FBXW10B: variants seen among roughly 807,000 people sequenced by gnomAD.
The protein encoded by FBXW10B is F-box and WD repeat domain containing 10B.
the FBXW10B span, chr17:15,607,542 C>T: frequency 0.15 from 247,503 of 1,596,872 alleles, 21,304 homozygotes; most frequent in East Asian, 0.28. Flanking sequence ...TCAAGCGTCC[C>T]TAGAGACCCA....
chr17:15,582,791 T>C, the FBXW10B span, among the ~76,000 whole-genome samples: 2 of 152,132 alleles, frequency 1.3e-5, no homozygotes, highest in African/African-American at 2.4e-5. Context: ...CTCATGTCAT[T>C]AGACCAAAGA....
the FBXW10B span, among the ~76,000 whole-genome samples, chr17:15,581,591 A>G: frequency 1.2e-4 from 18 of 151,284 alleles, no homozygotes; most frequent in South Asian, 3.8e-3. Context: ...ATGCCAAGAG[A>G]TATATAATGA....
chr17:15,600,881 C>G, the FBXW10B span, among the ~76,000 whole-genome samples: 1 of 141,652 alleles, frequency 7.1e-6, no homozygotes, highest in East Asian at 2.3e-4. Flanking sequence ...AACCTCGTCT[C>G]TACTAAAATA....
At chr17:15,598,490 C>T in the FBXW10B span, 30 of 1,613,240 alleles carry the variant, frequency 1.9e-5, no homozygotes, top group African/African-American at 9.3e-5. Context: ...ACCTGTGGGT[C>T]GGGGGAAACT....
chr17:15,578,600 TG>T, the FBXW10B span, among the ~76,000 whole-genome samples: 2 of 152,042 alleles, frequency 1.3e-5, no homozygotes, highest in Non-Finnish European at 2.9e-5. Context: ...TGGCAGGCAT[TG>T]GGTGTTATGG....
At chr17:15,601,259 A>G in the FBXW10B span, among the ~76,000 whole-genome samples, 7 of 144,962 alleles carry the variant, frequency 4.8e-5, no homozygotes, top group African/African-American at 1.8e-4. Flanking sequence ...AATACAAAAA[A>G]TTAGCCAGGC....
chr17:15,607,442 G>T, the FBXW10B span: 2 of 691,288 alleles, frequency 2.9e-6, no homozygotes, highest in East Asian at 6.0e-5. Flanking sequence ...GGGATCATGT[G>T]CGAGTTTAGG....
chr17:15,618,810 G>C, the FBXW10B span, among the ~76,000 whole-genome samples: 66 of 152,282 alleles, frequency 4.3e-4, 3 homozygotes, highest in East Asian at 0.013. Flanking sequence ...TTTCAAGAAG[G>C]AAGTTACACT....
chr17:15,583,560 A>C, the FBXW10B span, among the ~76,000 whole-genome samples: 1 of 149,324 alleles, frequency 6.7e-6, no homozygotes, highest in Non-Finnish European at 1.5e-5. Context: ...GGCTATTTGC[A>C]TAATGGAGTA....
chr17:15,613,948 G>A, the FBXW10B span: 44 of 1,588,630 alleles, frequency 2.8e-5, 3 homozygotes, highest in Middle Eastern at 5.0e-4. Flanking sequence ...TGCAGGGATC[G>A]TACCCTGGCT....
the FBXW10B span, chr17:15,593,482 C>T: frequency 9.9e-6 from 16 of 1,614,064 alleles, no homozygotes; most frequent in Admixed American, 6.7e-5. Flanking sequence ...AGAAGGGACA[C>T]GTCGAGCACC....
chr17:15,594,987 A>G, the FBXW10B span: 1 of 1,535,178 alleles, frequency 6.5e-7, no homozygotes. Context: ...CCACCCCCCA[A>G]CCAATCTGTG....
the FBXW10B span, among the ~76,000 whole-genome samples, chr17:15,592,827 G>A: frequency 2.0e-5 from 3 of 152,194 alleles, no homozygotes; most frequent in Middle Eastern, 3.4e-3. Flanking sequence ...AAAACAGGCC[G>A]GGCGCGGTGG....
At chr17:15,588,340 C>T in the FBXW10B span, 856 of 169,766 alleles carry the variant, frequency 5.0e-3, 11 homozygotes, top group African/African-American at 0.02. Context: ...AATTAAGTGA[C>T]GTCTTAATAA....
chr17:15,606,145 C>T, the FBXW10B span, among the ~76,000 whole-genome samples: 1 of 141,602 alleles, frequency 7.1e-6, no homozygotes, highest in East Asian at 2.2e-4. Flanking sequence ...CTCCCTGTAA[C>T]CTCCAGCTCT....
chr17:15,609,218 TG>T, the FBXW10B span, among the ~76,000 whole-genome samples: 3 of 143,226 alleles, frequency 2.1e-5, no homozygotes, highest in Non-Finnish European at 4.6e-5. Flanking sequence ...AGAGTCCTCT[TG>T]GGGACATCTC....
chr17:15,586,445 T>A, the FBXW10B span, among the ~76,000 whole-genome samples: 555 of 151,732 alleles, frequency 3.7e-3, 26 homozygotes, highest in African/African-American at 0.013. Flanking sequence ...TTCAAACTGA[T>A]GTCTTATCCT....
At chr17:15,602,313 T>C in the FBXW10B span, among the ~76,000 whole-genome samples, 6 of 151,986 alleles carry the variant, frequency 3.9e-5, no homozygotes, top group African/African-American at 1.2e-4. Context: ...GTGATAAAGA[T>C]AGCACCTCAA....
the FBXW10B span, among the ~76,000 whole-genome samples, chr17:15,616,968 T>C: frequency 1.7e-4 from 26 of 152,310 alleles, no homozygotes; most frequent in South Asian, 2.5e-3. Context: ...CCAGGCCTTC[T>C]GCTGCTGGCA....
Sources: gnomAD v4.1 joint callset for allele counts (sites outside exome capture counted in the v4.1 genomes callset) on GRCh38, gnomAD v4.1.1 for gene constraint, MANE v1.5 for transcripts, NCBI Gene and HGNC (gene_info 2026-07-23, HGNC 2026-07-21) for gene names.